The following TNS1 variants were observed in gnomAD, a reference collection of about 807,000 sequenced individuals.
The protein encoded by TNS1 is tensin-1.
TNS1 carries 62 observed loss-of-function variants against 168.6 expected under a neutral mutation model. The observed-to-expected ratio is 0.37, with a 90% CI of 0.30 to 0.45. The LOEUF is 0.45. TNS1 is among the 20% of genes least tolerant of loss of function. The pLI is 1.00. For synonymous variants in TNS1, 934 were observed against 933.2 expected (o/e 1.00, Z -0.02); for missense variants, 2,240 against 2,339.4 (o/e 0.96, Z 0.88).
At chr2:217,997,276 T>A (rs1035265755) in intron 1 of TNS1, among the ~76,000 whole-genome samples, 1 of 152,118 alleles carries the variant, frequency 6.6e-6, no homozygotes, top group Non-Finnish European at 1.5e-5. Context: ...ATCAATACAA[T>A]CCCACTGTCT....
intron 3 of TNS1, among the ~76,000 whole-genome samples, chr2:217,924,259 T>C (rs530377397): frequency 1.3e-5 from 2 of 152,188 alleles, no homozygotes; most frequent in African/African-American, 4.8e-5. Flanking sequence ...TTGGCTTAAA[T>C]GTCACCACCC....
chr2:217,954,804 C>T (rs3791891), intron 3 of TNS1, among the ~76,000 whole-genome samples: 16,910 of 152,272 alleles, frequency 0.11, 1,777 homozygotes, highest in African/African-American at 0.28. Flanking sequence ...TTGTGTTCCC[C>T]AGGCCCCCTG....
chr2:217,855,595 C>T (rs550498527), intron 18 of TNS1, among the ~76,000 whole-genome samples: 2 of 152,042 alleles, frequency 1.3e-5, no homozygotes, highest in African/African-American at 2.4e-5. Context: ...TCCCTAGGGC[C>T]GGTTCCCAGA....
At position 218,018,705 on chromosome 2, in the gene TNS1, G is replaced by A. The variant is rs78526042; in HGVS notation, c.156+15115C>T. On this transcript the variant is annotated intron_variant, in intron 1 of 1. Coordinates refer to the TNS1 transcript ENST00000649572. The stretch of plus-strand genomic sequence containing the variant: ...TGGGAAGCAACTGGGGAACAGGAAG[G>A]AGTCTGGGACTTGGATAGAAAGGGG... Among the ~76,000 whole-genome samples, 24 of 152,336 alleles carry A rather than the reference G, an allele frequency of 1.6e-4. No homozygotes were observed. The East Asian group carries it at 4.4e-3, about 28-fold the overall frequency.
intron 18 of TNS1, chr2:217,879,364 C>T: frequency 2.3e-6 from 1 of 430,238 alleles, no homozygotes; most frequent in East Asian, 7.5e-5. Flanking sequence ...AGGCTGGCAG[C>T]CACTGAAACC....
intron 1 of TNS1, among the ~76,000 whole-genome samples, chr2:218,018,116 A>C (rs1334985618): frequency 6.6e-6 from 1 of 152,234 alleles, no homozygotes; most frequent in Admixed American, 6.5e-5. Context: ...CAGTCCAAGA[A>C]GAGAAAGGAG....
At chr2:217,952,330 A>C (rs764844415) in intron 3 of TNS1, among the ~76,000 whole-genome samples, 1 of 152,232 alleles carries the variant, frequency 6.6e-6, no homozygotes, top group Non-Finnish European at 1.5e-5. Context: ...AAAGTCAATG[A>C]TAATGAGACA....
chr2:217,933,762 T>C (rs544227190), intron 3 of TNS1, among the ~76,000 whole-genome samples: 1 of 152,192 alleles, frequency 6.6e-6, no homozygotes, highest in Non-Finnish European at 1.5e-5. Flanking sequence ...CACCCATCCT[T>C]CTGGAAGAGC....
chr2:217,857,138 C>A (rs1003415225), intron 18 of TNS1, among the ~76,000 whole-genome samples: 1 of 152,214 alleles, frequency 6.6e-6, no homozygotes, highest in Non-Finnish European at 1.5e-5. Context: ...GCCCCTCCCA[C>A]CCACGGCTGC....
chr2:217,860,232 G>A (rs112313346), intron 18 of TNS1, among the ~76,000 whole-genome samples: 102 of 152,254 alleles, frequency 6.7e-4, no homozygotes, highest in African/African-American at 2.4e-3. Flanking sequence ...GCCATTTTCA[G>A]CACCCCTCTC....
Position 217,850,083 on chromosome 2 carries a change from G to A in TNS1, c.1430-996C>T. On this transcript the variant is annotated intron_variant, in intron 18 of 32. Coordinates refer to ENST00000682258, the MANE Select transcript of TNS1 (RefSeq NM_001387777.1). ...TGGACCCCTACCCCTCCACCAGCAAGCTCAGCCCATACCACTCAAGACTCC... is the reference window on the plus strand; with the variant it reads ...TGGACCCCTACCCCTCCACCAGCAAACTCAGCCCATACCACTCAAGACTCC... 2 of 985,348 alleles carry A rather than the reference G, an allele frequency of 2.0e-6. 1 individual carries two copies. Among genetic ancestry groups the A allele is most frequent in the East Asian group, 2.3e-4 (2 of 8,804 alleles). The allele number at this position is 985,348 out of a possible 1,614,324, so 61.0% of individuals were successfully genotyped here.
chr2:217,880,465 CCCAA>C lies in TNS1; in HGVS notation c.1429+429_1429+432del, dbSNP rs1234816797. ...AACTCAGGCAGCAAGCCTGAAGAAA[CCCAA>C]CAGTGGGTTTAATACACATGTGACA... On this transcript the variant is annotated intron_variant, in intron 18 of 32. Coordinates refer to ENST00000682258, the MANE Select transcript of TNS1 (RefSeq NM_001387777.1). The surrounding 1 kb of genome is among the most constrained non-coding windows in gnomAD (Gnocchi z 4.2). 1.3e-5 allele frequency among the ~76,000 whole-genome samples: 2 copies of C among 152,122 alleles called. No individual in the cohort carries two copies. The highest frequency in any genetic ancestry group is 4.8e-5 in the African/African-American group (2 of 41,416).
In TNS1 at chr2:217,995,685, C is replaced by T. The variant is rs1257936196; in HGVS notation, c.34-4629G>A. Among the ~76,000 whole-genome samples the T allele has an allele frequency of 3.9e-5, 6 of 152,134 alleles. No individual in the cohort carries two copies. On this transcript the variant is annotated intron_variant, in intron 1 of 32. Transcript: ENST00000682258. This position sits in a 1 kb window ranked among gnomAD's most constrained non-coding sequence, Gnocchi z 4.1. Reference sequence around the variant, plus strand: ...CACCCCGGGGCCCTTCCTTTGCTGGCTGCAAAGGAACCTACTTAGGGAAAA... The same window carrying T: ...CACCCCGGGGCCCTTCCTTTGCTGGTTGCAAAGGAACCTACTTAGGGAAAA...
intron 3 of TNS1, among the ~76,000 whole-genome samples, chr2:217,934,607 A>G (rs1226427757): frequency 2.6e-5 from 4 of 152,178 alleles, no homozygotes; most frequent in African/African-American, 9.7e-5. Flanking sequence ...ATTGGCTCCA[A>G]TCCTGCCAAG....
At chr2:217,900,134 G>A (rs75564868) in intron 7 of TNS1, among the ~76,000 whole-genome samples, 1,708 of 152,318 alleles carry the variant, frequency 0.011, 20 homozygotes, top group Admixed American at 0.031. Context: ...CTTGGTGGCT[G>A]TGTGACCTTT....
In TNS1 at chr2:217,802,101, C is replaced by T. The variant is rs565340450; in HGVS notation, c.*2358G>A. 6.6e-6 allele frequency: 1 copy of T among 152,362 alleles called. No homozygotes were observed. The highest frequency in any genetic ancestry group is 2.1e-4 in the South Asian group (1 of 4,830). 9.4% of individuals were successfully genotyped at this position (152,362 alleles called of 1,614,324 possible). ...GAACATCCATGCCAGGAATAGGCTC[C>T]TGGGCTCTCCAGTGGGAGATGAGAT... On this transcript the variant is annotated 3_prime_UTR_variant, in exon 33 of 33. Coordinates refer to ENST00000682258, the MANE Select transcript of TNS1 (RefSeq NM_001387777.1).
intron 3 of TNS1, among the ~76,000 whole-genome samples, chr2:217,958,435 C>A (rs910788806): frequency 1.3e-5 from 2 of 152,196 alleles, no homozygotes; most frequent in Non-Finnish European, 2.9e-5. Flanking sequence ...CGGGAGACAT[C>A]GGTCACAGAG....
rs775049558 is a variant in TNS1, at chr2:217,818,520, C to G, written c.3812G>C (p.Ser1271Thr). The part of the protein sequence containing the change: ...SPESQARAQF[S>T]VAGVHTVPGS... ...AGGCACCGTGTGGACGCCAGCCACACTGAACTGAGCTCGAGCCTGGCTTTC... is the reference window on the plus strand; with the variant it reads ...AGGCACCGTGTGGACGCCAGCCACAGTGAACTGAGCTCGAGCCTGGCTTTC... The change falls in exon 24 of 33, where the codon AGT becomes ACT. Residue 1271 changes from serine to threonine, a missense_variant. Ser to Thr is a moderately conservative substitution (Grantham distance 58). Coordinates refer to ENST00000682258, the MANE Select transcript of TNS1 (RefSeq NM_001387777.1). 1 of 1,614,248 alleles carries G rather than the reference C, an allele frequency of 6.2e-7. No individual in the cohort carries two copies. Among genetic ancestry groups the G allele is most frequent in the Non-Finnish European group, 8.5e-7 (1 of 1,180,050 alleles).
intron 1 of TNS1, among the ~76,000 whole-genome samples, chr2:218,001,468 A>G (rs1414211132): frequency 1.3e-5 from 2 of 151,988 alleles, no homozygotes; most frequent in Non-Finnish European, 1.5e-5. Context: ...TCACCCCTGG[A>G]GGTCTACCTG....
Sources: allele counts gnomAD v4.1 joint callset (sites outside exome capture counted in the v4.1 genomes callset), GRCh38; gene constraint gnomAD v4.1.1; non-coding constraint Gnocchi (gnomAD v3.1); transcripts MANE v1.5; gene names NCBI Gene and HGNC (gene_info 2026-07-23, HGNC 2026-07-21).